Variants in TENM3 observed in about 807,000 individuals in gnomAD.
TENM3 encodes the protein teneurin-3.
A neutral mutation model predicts 255.1 loss-of-function variants in TENM3; 63 were observed. The ratio of observed to expected loss-of-function variants is 0.25; its 90% CI spans 0.20 to 0.30. The LOEUF is 0.30. Among genes scored for constraint, TENM3 ranks in the 10% least tolerant of loss-of-function variants. TENM3 has a pLI of 1.00. For missense variants in TENM3, 2,929 were observed against 3,461.1 expected (o/e 0.85, Z 3.86); for synonymous variants, 1,306 against 1,322.3 (o/e 0.99, Z 0.27).
intron 3 of TENM3, among the ~76,000 whole-genome samples, chr4:182,363,192 A>C (rs1766150734): frequency 2.0e-5 from 3 of 152,204 alleles, no homozygotes; most frequent in African/African-American, 7.2e-5. Context: ...CTTTGGAGCC[A>C]GAACTATAGG....
At chr4:181,987,677 T>C in the TENM3 span, among the ~76,000 whole-genome samples, 2 of 152,138 alleles carry the variant, frequency 1.3e-5, no homozygotes, top group East Asian at 1.9e-4. Flanking sequence ...GACAACGGCA[T>C]AAGGAAAATG....
the TENM3 span, among the ~76,000 whole-genome samples, chr4:182,013,426 A>G: frequency 6.6e-6 from 1 of 152,214 alleles, no homozygotes; most frequent in Non-Finnish European, 1.5e-5. Context: ...CTGCCATCAG[A>G]GAAGAGCTTC....
At chr4:181,462,308 G>A in the TENM3 span, among the ~76,000 whole-genome samples, 2 of 152,012 alleles carry the variant, frequency 1.3e-5, no homozygotes, top group African/African-American at 4.8e-5. Context: ...CCCATTTGCC[G>A]ACCTCCAGAG....
At chr4:182,167,773 G>A (rs932458587) in intron 1 of TENM3, among the ~76,000 whole-genome samples, 1 of 152,086 alleles carries the variant, frequency 6.6e-6, no homozygotes, top group Non-Finnish European at 1.5e-5. Context: ...CTACTTGGGA[G>A]GCTGAGGAGT....
the TENM3 span, among the ~76,000 whole-genome samples, chr4:181,563,388 C>A: frequency 1.3e-5 from 2 of 152,176 alleles, no homozygotes; most frequent in Non-Finnish European, 2.9e-5. Context: ...AAAAGGGACA[C>A]CAGGCATTTT....
chr4:181,783,031 T>G, the TENM3 span, among the ~76,000 whole-genome samples: 6 of 152,182 alleles, frequency 3.9e-5, no homozygotes, highest in African/African-American at 1.4e-4. Context: ...GAGGAGTGCT[T>G]TACTTCCACC....
At chr4:182,777,843 A>G (rs1291143668) in intron 24 of TENM3, among the ~76,000 whole-genome samples, 3 of 136,580 alleles carry the variant, frequency 2.2e-5, no homozygotes, top group Admixed American at 7.5e-5. Context: ...CAGCATATAT[A>G]TATATATGCT....
At chr4:181,707,831 A>G in the TENM3 span, among the ~76,000 whole-genome samples, 1 of 152,214 alleles carries the variant, frequency 6.6e-6, no homozygotes, top group Non-Finnish European at 1.5e-5. Context: ...ATTAGCATAT[A>G]TAGTTTGCTA....
chr4:182,598,105 C>T (rs62339112), intron 3 of TENM3, among the ~76,000 whole-genome samples: 18,183 of 152,160 alleles, frequency 0.12, 1,941 homozygotes, highest in East Asian at 0.54. Context: ...TTCTTGAGTC[C>T]GGGAGGTCAA....
At chr4:181,814,080 C>A in the TENM3 span, among the ~76,000 whole-genome samples, 1 of 152,118 alleles carries the variant, frequency 6.6e-6, no homozygotes, top group African/African-American at 2.4e-5. Flanking sequence ...CATAAAAGAA[C>A]TCATCCCATT....
chr4:182,738,273 G>C (rs1304518955), intron 17 of TENM3, 128 bp from the exon 18 acceptor site: 4 of 723,824 alleles, frequency 5.5e-6, no homozygotes, highest in Non-Finnish European at 8.5e-6. Flanking sequence ...AAAATAAACT[G>C]CTCATAAATA....
chr4:181,579,348 C>T, the TENM3 span, among the ~76,000 whole-genome samples: 1 of 152,102 alleles, frequency 6.6e-6, no homozygotes. Flanking sequence ...CTGTCCATTG[C>T]CACCAGAGCG....
At chr4:182,675,449 G>A (rs187327434) in intron 7 of TENM3, among the ~76,000 whole-genome samples, 6 of 151,902 alleles carry the variant, frequency 3.9e-5, no homozygotes, top group Non-Finnish European at 8.8e-5. Context: ...GCTGAGGCAG[G>A]AGAATTGCTT....
chr4:181,541,095 C>T, the TENM3 span, among the ~76,000 whole-genome samples: 7 of 152,100 alleles, frequency 4.6e-5, no homozygotes, highest in African/African-American at 9.7e-5. Flanking sequence ...AAGTTCAGGC[C>T]GGGCACAGTG....
intron 3 of TENM3, among the ~76,000 whole-genome samples, chr4:182,552,025 CA>C (rs11354411): frequency 0.39 from 42,714 of 108,600 alleles, 5,908 homozygotes; most frequent in South Asian, 0.48. Context: ...GACCCTGTCT[CA>C]AAAAAAAAAA....
At chr4:181,824,399 C>A in the TENM3 span, among the ~76,000 whole-genome samples, 2 of 152,068 alleles carry the variant, frequency 1.3e-5, no homozygotes, top group Non-Finnish European at 2.9e-5. Context: ...CTGCACCCGA[C>A]CAACATAATC....
the TENM3 span, among the ~76,000 whole-genome samples, chr4:181,595,322 T>C: frequency 0.016 from 2,365 of 151,552 alleles, 44 homozygotes; most frequent in South Asian, 0.084. Flanking sequence ...TCTCAGATAC[T>C]TGGGAGGCTG....
chr4:182,240,719 A>G (rs1056577993), upstream of TENM3, among the ~76,000 whole-genome samples: 2 of 152,136 alleles, frequency 1.3e-5, no homozygotes, highest in African/African-American at 4.8e-5. Flanking sequence ...TCATGGTGCC[A>G]TTCCCCATGG....
chr4:182,618,304 T>A (rs1490835137), intron 4 of TENM3, among the ~76,000 whole-genome samples: 1 of 152,116 alleles, frequency 6.6e-6, no homozygotes, highest in African/African-American at 2.4e-5. Context: ...ATTCTTGATA[T>A]TAAAGATAAA....
Sources: allele counts gnomAD v4.1 joint callset (sites outside exome capture counted in the v4.1 genomes callset), GRCh38; gene constraint gnomAD v4.1.1; transcripts MANE v1.5; gene names NCBI Gene and HGNC (gene_info 2026-07-23, HGNC 2026-07-21).